Variants in GATA4 observed in about 807,000 individuals in gnomAD.
GATA4 encodes the protein transcription factor GATA-4.
GATA4 carries 7 observed loss-of-function variants against 37.9 expected under a neutral mutation model. That is an observed-to-expected ratio of 0.18 (90% CI 0.11 to 0.35). The LOEUF (loss-of-function observed/expected upper bound fraction) is 0.35, where lower values mean the gene tolerates loss of function less well. Among genes scored for constraint, GATA4 ranks in the 10% least tolerant of loss-of-function variants. The pLI, the probability that GATA4 is intolerant of heterozygous loss-of-function variation, is 1.00. For missense variants in GATA4, 647 were observed against 653.0 expected (o/e 0.99, Z 0.10); for synonymous variants, 372 against 292.6 (o/e 1.27, Z -2.77).
At chr8:11,690,538 A>T (rs1027590478), upstream of GATA4, among the ~76,000 whole-genome samples, 2 of 152,068 alleles carry the variant, frequency 1.3e-5, no homozygotes, top group Non-Finnish European at 2.9e-5. Flanking sequence ...CTGATTCTGG[A>T]ATAAGGATGG....
upstream of GATA4, among the ~76,000 whole-genome samples, chr8:11,690,708 A>G (rs1799282515): frequency 6.6e-6 from 1 of 152,170 alleles, no homozygotes; most frequent in African/African-American, 2.4e-5. Flanking sequence ...CGTCTTTACA[A>G]ACAAACAAAC....
At chr8:11,679,180 G>GT (rs1446305954) in intron 1 of GATA4, among the ~76,000 whole-genome samples, 1 of 67,942 alleles carries the variant, frequency 1.5e-5, no homozygotes, top group Admixed American at 1.6e-4. Context: ...GAATAATTGC[G>GT]GGGGGGGGCA....
In GATA4 at chr8:11,707,657, T is replaced by G. The variant is rs541446574; in HGVS notation, c.-457-199T>G. On this transcript the variant is annotated intron_variant, in intron 1 of 6. Coordinates refer to ENST00000532059, the MANE Select transcript of GATA4 (RefSeq NM_001308093.3). This position sits in a 1 kb window ranked among gnomAD's most constrained non-coding sequence, Gnocchi z 4.7. ...GTCCCTGGGGCGCCTCTCCCCAGGC[T>G]TGCCTGGGCCGCCTGACCCAACGCC... Among the ~76,000 whole-genome samples, 29 of 152,260 alleles carry G rather than the reference T, an allele frequency of 1.9e-4. No individual in the cohort carries two copies. Among genetic ancestry groups the G allele is most frequent in the African/African-American group, 5.3e-4 (22 of 41,546 alleles).
At chr8:11,731,913 C>T (rs1801230564) in intron 2 of GATA4, among the ~76,000 whole-genome samples, 1 of 152,190 alleles carries the variant, frequency 6.6e-6, no homozygotes, top group African/African-American at 2.4e-5. Context: ...AGAATTGGTT[C>T]TACAAGATTG....
At chr8:11,710,614 C>A (rs1800136243) in intron 2 of GATA4, among the ~76,000 whole-genome samples, 1 of 147,960 alleles carries the variant, frequency 6.8e-6, no homozygotes, top group Non-Finnish European at 1.5e-5. Context: ...CGCTTGAACC[C>A]GGGAGGCAGA....
At chr8:11,736,996 C>T (rs1378372963) in intron 2 of GATA4, among the ~76,000 whole-genome samples, 1 of 152,046 alleles carries the variant, frequency 6.6e-6, no homozygotes, top group African/African-American at 2.4e-5. Flanking sequence ...GAACTTAGAA[C>T]TAAACAGATC....
At chr8:11,690,455 A>T (rs916376833), upstream of GATA4, among the ~76,000 whole-genome samples, 3 of 152,208 alleles carry the variant, frequency 2.0e-5, no homozygotes, top group African/African-American at 7.2e-5. Flanking sequence ...AGGTATATAG[A>T]GAGGCAGATG....
intron 2 of GATA4, among the ~76,000 whole-genome samples, chr8:11,712,416 T>C (rs1012978746): frequency 1.3e-5 from 2 of 152,216 alleles, no homozygotes; most frequent in Non-Finnish European, 2.9e-5. Context: ...AGCATCATTC[T>C]TCCCTCTGCT....
At position 11,750,770 on chromosome 8, in the gene GATA4, T is replaced by TAA. The variant is rs1195090785; in HGVS notation, c.912+559_912+560dup. Among the ~76,000 whole-genome samples, 240 of 88,782 alleles carry TAA rather than the reference T, an allele frequency of 2.7e-3. 5 individuals carry two copies. Among genetic ancestry groups the TAA allele is most frequent in the African/African-American group, 4.7e-3 (99 of 20,970 alleles). 58.2% of individuals were successfully genotyped at this position (88,782 alleles called of 152,430 possible). On this transcript the variant is annotated intron_variant, in intron 4 of 6. Coordinates refer to ENST00000532059, the MANE Select transcript of GATA4 (RefSeq NM_001308093.3). ...CAACATGGTGAAACTTTGTCTCTACTAAAAAAAAAAAAAAAAAAAAAAAAA... is the reference window on the plus strand; with the variant it reads ...CAACATGGTGAAACTTTGTCTCTACTAAAAAAAAAAAAAAAAAAAAAAAAAAA...
intron 1 of GATA4, among the ~76,000 whole-genome samples, chr8:11,694,934 A>C (rs1015240604): frequency 5.9e-5 from 9 of 152,232 alleles, no homozygotes; most frequent in African/African-American, 2.2e-4. Flanking sequence ...CCAGGCAGTC[A>C]GTGGCTTTGG....
upstream of GATA4, among the ~76,000 whole-genome samples, chr8:11,691,138 A>C (rs1342795586): frequency 6.6e-6 from 1 of 152,256 alleles, no homozygotes; most frequent in Non-Finnish European, 1.5e-5. Flanking sequence ...GGCATATAGC[A>C]ATGTCCAGTG....
At chr8:11,732,633 A>C (rs1801265309) in intron 2 of GATA4, among the ~76,000 whole-genome samples, 1 of 152,202 alleles carries the variant, frequency 6.6e-6, no homozygotes, top group Admixed American at 6.5e-5. Flanking sequence ...GGTGAACCCG[A>C]GTCTGGAGGC....
chr8:11,725,072 T>C (rs904135924), intron 2 of GATA4, among the ~76,000 whole-genome samples: 1 of 152,250 alleles, frequency 6.6e-6, no homozygotes, highest in Admixed American at 6.5e-5. Flanking sequence ...CATTCTCTGC[T>C]GTCCTTCTGT....
At chr8:11,755,457 G>T (rs1000764005) in intron 5 of GATA4, among the ~76,000 whole-genome samples, 3 of 152,234 alleles carry the variant, frequency 2.0e-5, no homozygotes, top group Non-Finnish European at 2.9e-5. Context: ...CTTTGGCGCT[G>T]CAGCCACCCA....
intron 4 of GATA4, among the ~76,000 whole-genome samples, chr8:11,752,193 G>C (rs1802335871): frequency 1.3e-5 from 2 of 152,198 alleles, no homozygotes; most frequent in African/African-American, 4.8e-5. Flanking sequence ...CATACTATGA[G>C]TGTCGAAGGT....
chr8:11,732,392 C>T (rs142621095), intron 2 of GATA4, among the ~76,000 whole-genome samples: 1 of 152,274 alleles, frequency 6.6e-6, no homozygotes, highest in East Asian at 1.9e-4. Context: ...GTCTGTGGGG[C>T]CCCTATTGCA....
intron 2 of GATA4, among the ~76,000 whole-genome samples, chr8:11,717,983 A>G (rs571157934): frequency 2.0e-5 from 3 of 152,354 alleles, no homozygotes; most frequent in South Asian, 2.1e-4. Context: ...GCAAAACCAT[A>G]TGGCTCACTC....
chr8:11,690,687 T>C (rs760474170), upstream of GATA4, among the ~76,000 whole-genome samples: 2 of 152,084 alleles, frequency 1.3e-5, no homozygotes, highest in Non-Finnish European at 2.9e-5. Flanking sequence ...CTGGTCAACA[T>C]AGTGAGACCC....
intron 2 of GATA4, among the ~76,000 whole-genome samples, chr8:11,746,039 G>A (rs1392653545): frequency 6.6e-6 from 1 of 152,146 alleles, no homozygotes; most frequent in African/African-American, 2.4e-5. Flanking sequence ...CAGCATTTTG[G>A]GAGGCCGAGG....
Sources: allele counts gnomAD v4.1 joint callset (sites outside exome capture counted in the v4.1 genomes callset), GRCh38; gene constraint gnomAD v4.1.1; non-coding constraint Gnocchi (gnomAD v3.1); transcripts MANE v1.5; gene names NCBI Gene and HGNC (gene_info 2026-07-23, HGNC 2026-07-21).